Variants in WWOX observed in about 807,000 individuals in gnomAD.
The protein encoded by WWOX is WW domain containing oxidoreductase.
WWOX carries 69 observed loss-of-function variants against 46.2 expected under a neutral mutation model. The observed-to-expected ratio is 1.49, with a 90% CI of 1.23 to 1.82. The LOEUF is 1.82. Ranked by LOEUF, WWOX falls within the 40% of genes most tolerant of loss-of-function variation. WWOX has a pLI of 0.00. For missense variants in WWOX, 919 were observed against 542.6 expected, an observed-to-expected ratio of 1.69 and a Z score of -6.89; for synonymous variants, 359 against 202.6, an observed-to-expected ratio of 1.77 and a Z score of -6.56.
intron 8 of WWOX, among the ~76,000 whole-genome samples, chr16:78,441,697 C>T (rs897021433): frequency 1.3e-5 from 2 of 152,088 alleles, no homozygotes; most frequent in Non-Finnish European, 2.9e-5. Flanking sequence ...AAGATTCATG[C>T]ATAAAACTGA....
intron 8 of WWOX, among the ~76,000 whole-genome samples, chr16:78,982,315 TG>T (rs1250351856): frequency 3.9e-5 from 6 of 152,104 alleles, no homozygotes; most frequent in Non-Finnish European, 8.8e-5. Flanking sequence ...AGCAATCATC[TG>T]GGGAAAAAAA....
intron 8 of WWOX, among the ~76,000 whole-genome samples, chr16:78,953,038 T>C (rs2046094044): frequency 6.6e-6 from 1 of 151,810 alleles, no homozygotes; most frequent in African/African-American, 2.4e-5. Flanking sequence ...TTTTTTTTTT[T>C]CCAGTTGTTG....
intron 5 of WWOX, among the ~76,000 whole-genome samples, chr16:78,171,842 G>C (rs2035172536): frequency 2.0e-5 from 3 of 152,156 alleles, no homozygotes; most frequent in Admixed American, 6.5e-5. Flanking sequence ...GCTCACAAAG[G>C]AACGTAAAGT....
intron 5 of WWOX, among the ~76,000 whole-genome samples, chr16:78,262,805 G>A (rs1212921934): frequency 6.6e-6 from 1 of 152,174 alleles, no homozygotes; most frequent in African/African-American, 2.4e-5. Flanking sequence ...GGGCTGTGGG[G>A]AGGTGACAGC....
rs190503061 is a variant in WWOX at position 78,166,252 on chromosome 16, T to A, written c.516+1963T>A. Reference sequence around the variant, plus strand: ...CATTGTTTTAACTGCTGTATAATATTCCATCATGTGCTTATGCTATAACCA... The same window carrying A: ...CATTGTTTTAACTGCTGTATAATATACCATCATGTGCTTATGCTATAACCA... On this transcript the variant is annotated intron_variant, in intron 5 of 8. Transcript: ENST00000566780. 6.3e-3 allele frequency among the ~76,000 whole-genome samples: 965 copies of A among 152,300 alleles called. 17 individuals carry two copies. The highest frequency in any genetic ancestry group is 0.021 in the African/African-American group (874 of 41,570).
intron 8 of WWOX, among the ~76,000 whole-genome samples, chr16:78,976,086 T>G (rs1256919527): frequency 1.3e-5 from 2 of 152,192 alleles, no homozygotes; most frequent in Non-Finnish European, 2.9e-5. Flanking sequence ...TGTTATTCCA[T>G]CCGAATGACA....
At chr16:78,796,457 C>G (rs1246176626) in intron 8 of WWOX, among the ~76,000 whole-genome samples, 2 of 152,246 alleles carry the variant, frequency 1.3e-5, no homozygotes, top group Non-Finnish European at 2.9e-5. Context: ...CACATGATCA[C>G]AACCAACTGC....
intron 8 of WWOX, among the ~76,000 whole-genome samples, chr16:78,485,714 C>T (rs549172718): frequency 2.6e-5 from 4 of 152,196 alleles, no homozygotes; most frequent in Non-Finnish European, 5.9e-5. Flanking sequence ...TTTGCTTGAA[C>T]GCTGGCTCCA....
At chr16:78,691,876 G>C (rs375936254) in intron 8 of WWOX, among the ~76,000 whole-genome samples, 1 of 152,194 alleles carries the variant, frequency 6.6e-6, no homozygotes, top group Non-Finnish European at 1.5e-5. Context: ...TGTTGTGGGA[G>C]GGACCCAGGG....
rs1335288274 is a variant in WWOX, at chr16:78,473,897, C to T, written c.1056+41145C>T. Among the ~76,000 whole-genome samples, 5 of 152,246 alleles carry T rather than the reference C, an allele frequency of 3.3e-5. No homozygotes were observed. The East Asian group carries it at 5.8e-4, about 18-fold the overall frequency. The stretch of plus-strand genomic sequence containing the variant: ...TGCCATTCTTCTTCGCCGTTGTTAC[C>T]GTATTAATTTAGGGATGATGAGAAA... On this transcript the variant is annotated intron_variant, in intron 8 of 8. Coordinates refer to ENST00000566780, the MANE Select transcript of WWOX (RefSeq NM_016373.4).
chr16:79,179,158 G>C (rs2150782862), intron 8 of WWOX, among the ~76,000 whole-genome samples: 1 of 152,276 alleles, frequency 6.6e-6, no homozygotes, highest in Non-Finnish European at 1.5e-5. Flanking sequence ...ACCTGGAAGG[G>C]ACATAATTAA....
intron 4 of WWOX, among the ~76,000 whole-genome samples, chr16:78,142,375 C>G (rs1443707886): frequency 6.6e-6 from 1 of 152,174 alleles, no homozygotes; most frequent in Non-Finnish European, 1.5e-5. Flanking sequence ...AGGAACTCCT[C>G]AGCCAAATGT....
At chr16:78,949,271 C>T (rs1377319479) in intron 8 of WWOX, among the ~76,000 whole-genome samples, 1 of 152,154 alleles carries the variant, frequency 6.6e-6, no homozygotes, top group African/African-American at 2.4e-5. Flanking sequence ...TTGCCTGGGA[C>T]TTCCAACCCA....
intron 5 of WWOX, among the ~76,000 whole-genome samples, chr16:78,176,862 G>A (rs1359072553): frequency 6.6e-6 from 1 of 152,170 alleles, no homozygotes; most frequent in Non-Finnish European, 1.5e-5. Context: ...GGGAAGGATA[G>A]GATGCATTTG....
chr16:78,292,396 G>A (rs1429742563), intron 5 of WWOX, among the ~76,000 whole-genome samples: 2 of 152,104 alleles, frequency 1.3e-5, no homozygotes, highest in Non-Finnish European at 2.9e-5. Context: ...TTGCAAATCT[G>A]TTTCCAAACA....
intron 5 of WWOX, among the ~76,000 whole-genome samples, chr16:78,370,788 T>TG (rs58327362): frequency 2.2e-4 from 28 of 124,578 alleles, no homozygotes; most frequent in African/African-American, 6.3e-4. Flanking sequence ...CTTTTTTTTT[T>TG]GGGGGGGGGG....
intron 6 of WWOX, among the ~76,000 whole-genome samples, chr16:78,419,625 C>CGAAA (rs1491558183): frequency 2.2e-5 from 1 of 44,692 alleles, no homozygotes; most frequent in Non-Finnish European, 4.6e-5. Flanking sequence ...CAAAAAATAG[C>CGAAA]AAAAAAAAAA....
intron 8 of WWOX, among the ~76,000 whole-genome samples, chr16:78,830,861 C>T (rs1006585889): frequency 6.6e-6 from 1 of 152,032 alleles, no homozygotes; most frequent in Non-Finnish European, 1.5e-5. Context: ...TTTCTTTCTC[C>T]TACAGCCCCA....
chr16:78,948,039 G>A (rs1027130067), intron 8 of WWOX, among the ~76,000 whole-genome samples: 1 of 152,334 alleles, frequency 6.6e-6, no homozygotes, highest in East Asian at 1.9e-4. Context: ...CTGAAGGGCT[G>A]GTGGAGAGGA....
Sources: allele counts gnomAD v4.1 joint callset (sites outside exome capture counted in the v4.1 genomes callset), GRCh38; gene constraint gnomAD v4.1.1; transcripts MANE v1.5; gene names NCBI Gene and HGNC (gene_info 2026-07-23, HGNC 2026-07-21).